RALYL: variants seen among roughly 807,000 people sequenced by gnomAD.
The protein encoded by RALYL is RNA-binding Raly-like protein.
Under a neutral mutation model 35.1 loss-of-function variants are expected in RALYL, and 29 were observed. The ratio of observed to expected loss-of-function variants is 0.83; its 90% CI spans 0.61 to 1.13. RALYL has a LOEUF of 1.13. Ranked by LOEUF, RALYL falls within the 50% of genes most tolerant of loss-of-function variation. The pLI, the probability that RALYL is intolerant of heterozygous loss-of-function variation, is 0.00. For missense variants in RALYL, 359 were observed against 360.4 expected, an observed-to-expected ratio of 1.00 and a Z score of 0.03; for synonymous variants, 120 against 127.6, an observed-to-expected ratio of 0.94 and a Z score of 0.40.
At chr8:84,258,612 C>A (rs1332389900) in intron 1 of RALYL, among the ~76,000 whole-genome samples, 1 of 151,768 alleles carries the variant, frequency 6.6e-6, no homozygotes, top group Non-Finnish European at 1.5e-5. Context: ...GTTTCTAATT[C>A]TCATTCTTAA....
chr8:84,603,531 G>A (rs1258325546), intron 2 of RALYL, among the ~76,000 whole-genome samples: 2 of 152,170 alleles, frequency 1.3e-5, no homozygotes, highest in African/African-American at 4.8e-5. Flanking sequence ...TGAGGTAGGT[G>A]TGAGATTTCA....
chr8:84,771,633 CTAA>C (rs1430878594), intron 2 of RALYL, among the ~76,000 whole-genome samples: 2 of 152,038 alleles, frequency 1.3e-5, no homozygotes, highest in Non-Finnish European at 2.9e-5. Context: ...TTTCCCACTA[CTAA>C]TGAGGTTGAG....
intron 1 of RALYL, among the ~76,000 whole-genome samples, chr8:84,448,478 G>C (rs1175558248): frequency 6.6e-6 from 1 of 151,738 alleles, no homozygotes; most frequent in Non-Finnish European, 1.5e-5. Context: ...TTCTGCCCCC[G>C]CCCCCATATA....
intron 1 of RALYL, among the ~76,000 whole-genome samples, chr8:84,207,696 T>C (rs552460212): frequency 6.6e-6 from 1 of 152,012 alleles, no homozygotes; most frequent in East Asian, 1.9e-4. Flanking sequence ...TGAAATTTGC[T>C]AAGACAGCAG....
chr8:84,339,953 C>A (rs1848493090), intron 1 of RALYL, among the ~76,000 whole-genome samples: 1 of 152,002 alleles, frequency 6.6e-6, no homozygotes, highest in Non-Finnish European at 1.5e-5. Context: ...ATGGGAGGGA[C>A]CCAATGGAAG....
chr8:84,903,961 G>T (rs1225536451), intron 8 of RALYL, among the ~76,000 whole-genome samples: 2 of 152,082 alleles, frequency 1.3e-5, no homozygotes, highest in Non-Finnish European at 2.9e-5. Flanking sequence ...CTGTACTCAG[G>T]CACCATTGTA....
At chr8:84,343,471 C>T (rs940808547) in intron 1 of RALYL, among the ~76,000 whole-genome samples, 3 of 151,850 alleles carry the variant, frequency 2.0e-5, no homozygotes, top group Admixed American at 6.6e-5. Flanking sequence ...CAAAATAAGC[C>T]GTCTTATATT....
intron 1 of RALYL, among the ~76,000 whole-genome samples, chr8:84,323,303 A>C (rs1160582296): frequency 3.3e-5 from 5 of 152,084 alleles, no homozygotes. Flanking sequence ...CAAAGGAATG[A>C]AGTATGCTGT....
intron 1 of RALYL, among the ~76,000 whole-genome samples, chr8:84,471,455 G>A (rs2052739568): frequency 6.6e-6 from 1 of 151,454 alleles, no homozygotes; most frequent in Non-Finnish European, 1.5e-5. Context: ...TTAGCTGAGT[G>A]TGGTGTTGTA....
intron 2 of RALYL, among the ~76,000 whole-genome samples, chr8:84,691,602 A>C (rs10504808): frequency 0.29 from 44,384 of 151,806 alleles, 7,218 homozygotes; most frequent in African/African-American, 0.43. Flanking sequence ...TTCTAAACCA[A>C]ACATGCTGGG....
intron 2 of RALYL, among the ~76,000 whole-genome samples, chr8:84,540,536 C>T (rs2059951541): frequency 6.7e-6 from 1 of 148,192 alleles, no homozygotes; most frequent in South Asian, 2.2e-4. Flanking sequence ...TCTCATACTT[C>T]TGGAATCAAC....
chr8:84,708,766 T>G (rs1455113889), intron 2 of RALYL, among the ~76,000 whole-genome samples: 1 of 152,168 alleles, frequency 6.6e-6, no homozygotes, highest in Non-Finnish European at 1.5e-5. Flanking sequence ...TTGCTGAAAC[T>G]CCACATGACC....
At chr8:84,771,267 T>C (rs2718972) in intron 2 of RALYL, among the ~76,000 whole-genome samples, 34,846 of 151,900 alleles carry the variant, frequency 0.23, 4,216 homozygotes, top group Non-Finnish European at 0.25. Context: ...ATAGTATTCC[T>C]TTTGGTAAAT....
rs1372837859 is a variant in RALYL at position 84,798,594 on chromosome 8, A to G, written c.333-6176A>G. ...ATCTGATTCTAGAACCTGTACACTT[A>G]AGCCCTTTGGCACATCCATCTTAAA... On this transcript the variant is annotated intron_variant, in intron 3 of 8. Transcript: ENST00000521268. Among the ~76,000 whole-genome samples, 3 of 152,350 alleles carry G rather than the reference A, an allele frequency of 2.0e-5. No individual in the cohort carries two copies. In the East Asian group the frequency reaches 5.8e-4, roughly 29 times the overall value.
intron 2 of RALYL, among the ~76,000 whole-genome samples, chr8:84,568,337 A>T (rs1296166094): frequency 1.3e-5 from 2 of 151,270 alleles, no homozygotes; most frequent in African/African-American, 4.9e-5. Context: ...GCTGAGAATG[A>T]TGGTTTCCAG....
intron 2 of RALYL, among the ~76,000 whole-genome samples, chr8:84,709,614 T>TAA (rs142708662): frequency 2.7e-5 from 4 of 150,230 alleles, no homozygotes; most frequent in African/African-American, 9.8e-5. Flanking sequence ...TTCTTTTTTT[T>TAA]AAAAAAAAAA....
At chr8:84,618,300 C>T (rs1256037054) in intron 2 of RALYL, among the ~76,000 whole-genome samples, 2 of 151,778 alleles carry the variant, frequency 1.3e-5, no homozygotes, top group African/African-American at 4.9e-5. Flanking sequence ...AGAGATTCAA[C>T]TTCTTCCTGG....
At chr8:84,437,732 T>C (rs1287526373) in intron 1 of RALYL, among the ~76,000 whole-genome samples, 1 of 152,122 alleles carries the variant, frequency 6.6e-6, no homozygotes, top group Non-Finnish European at 1.5e-5. Flanking sequence ...TTTGGTGCTG[T>C]CTTCATGATA....
chr8:84,217,607 C>A (rs73295650), intron 1 of RALYL, among the ~76,000 whole-genome samples: 1 of 151,930 alleles, frequency 6.6e-6, no homozygotes, highest in Non-Finnish European at 1.5e-5. Context: ...GGTTTTTATA[C>A]CACTCATATA....
Sources: gnomAD v4.1 joint callset for allele counts (sites outside exome capture counted in the v4.1 genomes callset) on GRCh38, gnomAD v4.1.1 for gene constraint, MANE v1.5 for transcripts, NCBI Gene and HGNC (gene_info 2026-07-23, HGNC 2026-07-21) for gene names.